REC114: variants seen among roughly 807,000 people sequenced by gnomAD.
The protein encoded by REC114 is meiotic recombination protein REC114.
Under a neutral mutation model 31.3 loss-of-function variants are expected in REC114, and 27 were observed. That is an observed-to-expected ratio of 0.86 (90% CI 0.64 to 1.19). The LOEUF is 1.19. Ranked by LOEUF, REC114 falls within the 50% of genes most tolerant of loss-of-function variation. The pLI, the probability that REC114 is intolerant of heterozygous loss-of-function variation, is 0.00. For synonymous variants in REC114, 134 were observed against 127.7 expected, an observed-to-expected ratio of 1.05 and a Z score of -0.33; for missense variants, 344 against 326.9, an observed-to-expected ratio of 1.05 and a Z score of -0.40.
intron 2 of REC114, among the ~76,000 whole-genome samples, chr15:73,522,065 A>G (rs980281384): frequency 1.3e-5 from 2 of 152,124 alleles, no homozygotes; most frequent in Admixed American, 1.3e-4. Flanking sequence ...GAAAAAGTAG[A>G]TGATCATTTT....
chr15:73,451,967 A>G (rs562146267), intron 1 of REC114, among the ~76,000 whole-genome samples: 8 of 152,354 alleles, frequency 5.3e-5, no homozygotes, highest in African/African-American at 1.9e-4. Context: ...TAAACTAGGT[A>G]TTGATAGACT....
intron 2 of REC114, among the ~76,000 whole-genome samples, chr15:73,485,520 G>A (rs539989507): frequency 1.9e-4 from 29 of 152,302 alleles, no homozygotes; most frequent in African/African-American, 6.5e-4. Flanking sequence ...CATGGGGGTG[G>A]TATCTCATAA....
Position 73,486,080 on chromosome 15 carries a change from G to A in REC114, c.249+12159G>A, listed in dbSNP as rs1036813920. On this transcript the variant is annotated intron_variant, in intron 2 of 5. Coordinates refer to ENST00000331090, the MANE Select transcript of REC114 (RefSeq NM_001042367.2). ...CTCAACTGGAAGAAATATGAGGCGA[G>A]GCAATCTTCCACCATACCTTTTTTC... 5.3e-5 allele frequency among the ~76,000 whole-genome samples: 8 copies of A among 152,248 alleles called. No individual in the cohort carries two copies. The East Asian group carries it at 1.2e-3, about 22-fold the overall frequency.
At chr15:73,451,512 C>T (rs147080530) in intron 1 of REC114, among the ~76,000 whole-genome samples, 3,273 of 152,218 alleles carry the variant, frequency 0.022, 62 homozygotes, top group African/African-American at 0.047. Flanking sequence ...TAAAAAAAGT[C>T]CAGAACCAGA....
At chr15:73,466,155 A>G (rs530946356) in intron 1 of REC114, among the ~76,000 whole-genome samples, 39 of 151,910 alleles carry the variant, frequency 2.6e-4, no homozygotes, top group East Asian at 7.8e-4. Context: ...CCGGCCACCA[A>G]TTGTTTTTAT....
At position 73,455,724 on chromosome 15, in the gene REC114, G is replaced by T. The variant is rs148613469; in HGVS notation, c.159+12380G>T. Among the ~76,000 whole-genome samples, 121 of 152,246 alleles carry T rather than the reference G, an allele frequency of 7.9e-4. 1 individual carries two copies. The highest frequency in any genetic ancestry group is 3.5e-3 in the Admixed American group (53 of 15,278). ...ACTGTCTAGAGATAAACACAATTCG[G>T]AAGCAAATAAACTTTGTAAAACACG... On this transcript the variant is annotated intron_variant, in intron 1 of 5. Coordinates refer to ENST00000331090, the MANE Select transcript of REC114 (RefSeq NM_001042367.2).
intron 2 of REC114, among the ~76,000 whole-genome samples, chr15:73,497,358 T>C (rs1306044696): frequency 6.6e-6 from 1 of 152,226 alleles, no homozygotes; most frequent in Non-Finnish European, 1.5e-5. Context: ...TTTTCCCTTA[T>C]TTATTTATGT....
intron 2 of REC114, among the ~76,000 whole-genome samples, chr15:73,518,369 A>C (rs1274803869): frequency 1.3e-5 from 2 of 152,176 alleles, no homozygotes; most frequent in African/African-American, 4.8e-5. Flanking sequence ...TCTGCCTCTC[A>C]GCTCCGTTTT....
chr15:73,448,998 A>G (rs796516770), intron 1 of REC114, among the ~76,000 whole-genome samples: 17 of 152,330 alleles, frequency 1.1e-4, no homozygotes, highest in African/African-American at 3.6e-4. Flanking sequence ...AAGGTCACCA[A>G]CATCAAAGAC....
At chr15:73,556,983 T>G (rs1894477686) in intron 5 of REC114, among the ~76,000 whole-genome samples, 1 of 151,874 alleles carries the variant, frequency 6.6e-6, no homozygotes. Flanking sequence ...CCTCACTGCA[T>G]TCCTCATTGC....
intron 2 of REC114, among the ~76,000 whole-genome samples, chr15:73,479,044 G>A (rs1441770589): frequency 5.3e-5 from 8 of 152,176 alleles, no homozygotes; most frequent in Non-Finnish European, 7.4e-5. Flanking sequence ...CTCCCTGCCT[G>A]CCTCACCCGC....
chr15:73,443,480 G>A lies in REC114; in HGVS notation c.159+136G>A, dbSNP rs116301604. 1,780 of 1,014,062 alleles carry A rather than the reference G, an allele frequency of 1.8e-3. 31 individuals are homozygous for A. In the African/African-American group the frequency reaches 0.026, roughly 15 times the overall value. 62.8% of individuals were successfully genotyped at this position (1,014,062 alleles called of 1,614,324 possible). A position where few individuals can be genotyped will look rare whatever the true frequency, so the allele number is the denominator to read the frequency against. ...TGACTGCCAGGCCTGTTGGGGAATG[G>A]ACAGGCCGACAACTAAGATAGGAAA... On this transcript the variant is annotated intron_variant, in intron 1 of 5. Transcript: ENST00000331090.
chr15:73,521,651 T>C (rs1893937016), intron 2 of REC114, among the ~76,000 whole-genome samples: 1 of 152,194 alleles, frequency 6.6e-6, no homozygotes, highest in Non-Finnish European at 1.5e-5. Context: ...GGGATATCAC[T>C]GTAGAGCCTA....
chr15:73,500,352 CA>C (rs34228065), intron 2 of REC114, among the ~76,000 whole-genome samples: 172 of 137,944 alleles, frequency 1.2e-3, no homozygotes, highest in African/African-American at 4.0e-3. Context: ...ACAGAAATAG[CA>C]AAAAAAAAAA....
intron 2 of REC114, among the ~76,000 whole-genome samples, chr15:73,531,748 C>G (rs985823237): frequency 1.3e-5 from 2 of 152,144 alleles, no homozygotes; most frequent in African/African-American, 2.4e-5. Flanking sequence ...AGGGTAGAAG[C>G]AACAGCCAGC....
At chr15:73,552,594 C>A (rs1363090754) in intron 4 of REC114, among the ~76,000 whole-genome samples, 1 of 152,138 alleles carries the variant, frequency 6.6e-6, no homozygotes, top group Non-Finnish European at 1.5e-5. Context: ...GTTTGAGACT[C>A]ATGACTATAG....
intron 1 of REC114, among the ~76,000 whole-genome samples, chr15:73,456,510 T>C (rs926137841): frequency 1.3e-5 from 2 of 152,186 alleles, no homozygotes; most frequent in African/African-American, 4.8e-5. Context: ...GTGTTCTTTT[T>C]TCTTTCATAT....
intron 2 of REC114, among the ~76,000 whole-genome samples, chr15:73,530,927 G>C (rs75133531): frequency 6.6e-6 from 1 of 151,976 alleles, no homozygotes; most frequent in Non-Finnish European, 1.5e-5. Context: ...CTGGGGACGA[G>C]GTGCACTGTG....
chr15:73,483,691 C>T (rs1041675713), intron 2 of REC114: 12 of 152,538 alleles, frequency 7.9e-5, no homozygotes, highest in Admixed American at 3.3e-4. Flanking sequence ...GATCTTTTCA[C>T]TGTATCATTG....
Sources: allele counts gnomAD v4.1 joint callset (sites outside exome capture counted in the v4.1 genomes callset), GRCh38; gene constraint gnomAD v4.1.1; transcripts MANE v1.5; gene names NCBI Gene and HGNC (gene_info 2026-07-23, HGNC 2026-07-21).